Variants in CPEB1 observed in about 807,000 individuals in gnomAD.
CPEB1 encodes the protein cytoplasmic polyadenylation element binding protein 1.
Under a neutral mutation model 65.8 loss-of-function variants are expected in CPEB1, and 7 were observed. The observed-to-expected ratio is 0.11, with a 90% confidence interval of 0.06 to 0.20. The LOEUF is 0.20. Ranked by LOEUF, CPEB1 falls within the 10% of genes least tolerant of loss-of-function variation. CPEB1 has a pLI of 1.00. For missense variants in CPEB1, 551 were observed against 712.2 expected, an observed-to-expected ratio of 0.77 and a Z score of 2.58; for synonymous variants, 262 against 260.0, an observed-to-expected ratio of 1.01 and a Z score of -0.08.
chr15:82,601,353 C>A (rs2043107284), intron 3 of CPEB1, among the ~76,000 whole-genome samples: 2 of 151,770 alleles, frequency 1.3e-5, no homozygotes, highest in Admixed American at 1.3e-4. Flanking sequence ...CCAGCCAGGC[C>A]AACATGACTA....
chr15:82,570,552 T>C (rs1242424481), intron 4 of CPEB1, among the ~76,000 whole-genome samples: 1 of 152,148 alleles, frequency 6.6e-6, no homozygotes, highest in Non-Finnish European at 1.5e-5. Flanking sequence ...CCCTCCTCCT[T>C]GTACCACAAG....
chr15:82,645,735 G>C (rs1281784455), intron 1 of CPEB1, among the ~76,000 whole-genome samples: 6 of 151,982 alleles, frequency 3.9e-5, no homozygotes, highest in African/African-American at 7.2e-5. Flanking sequence ...GCGCGTGGTG[G>C]CACGAGCTTG....
intron 3 of CPEB1, among the ~76,000 whole-genome samples, chr15:82,614,869 GTGTGTGTGTGTA>G (rs749481388): frequency 0.022 from 2,669 of 122,476 alleles, 30 homozygotes; most frequent in Non-Finnish European, 0.031. Flanking sequence ...GTGTGTGTGT[GTGTGTGTGTGTA>G]TATATATATA....
chr15:82,640,148 G>A (rs2046990071), intron 1 of CPEB1, among the ~76,000 whole-genome samples: 1 of 152,058 alleles, frequency 6.6e-6, no homozygotes, highest in Non-Finnish European at 1.5e-5. Flanking sequence ...GACATAACAG[G>A]CGTTTGTTGT....
chr15:82,563,935 T>C (rs1270916261), intron 4 of CPEB1, among the ~76,000 whole-genome samples: 2 of 152,102 alleles, frequency 1.3e-5, no homozygotes, highest in Non-Finnish European at 2.9e-5. Flanking sequence ...GCACAAGTAA[T>C]AGGAACTAGG....
intron 3 of CPEB1, among the ~76,000 whole-genome samples, chr15:82,582,736 T>TC (rs2041402799): frequency 1.5e-5 from 2 of 135,670 alleles, no homozygotes; most frequent in Admixed American, 7.8e-5. Context: ...TACTAGGAGT[T>TC]CTTTTTTTTT....
intron 3 of CPEB1, among the ~76,000 whole-genome samples, chr15:82,574,704 C>A (rs1289914863): frequency 9.3e-6 from 1 of 107,090 alleles, no homozygotes; most frequent in Non-Finnish European, 1.7e-5. Context: ...GCCTGGGCAA[C>A]AGAGCTAGAC....
At chr15:82,620,379 C>T (rs1198282581) in intron 3 of CPEB1, among the ~76,000 whole-genome samples, 1 of 149,956 alleles carries the variant, frequency 6.7e-6, no homozygotes, top group East Asian at 2.0e-4. Flanking sequence ...GAGCCAAGAT[C>T]ACACCACTGC....
At chr15:82,561,830 A>G (rs2038265163) in intron 4 of CPEB1, among the ~76,000 whole-genome samples, 1 of 152,182 alleles carries the variant, frequency 6.6e-6, no homozygotes, top group South Asian at 2.1e-4. Context: ...AATAAACCTA[A>G]GTAGAAAATG....
intron 4 of CPEB1, among the ~76,000 whole-genome samples, chr15:82,558,391 T>C (rs188229557): frequency 5.6e-4 from 85 of 152,346 alleles, no homozygotes; most frequent in African/African-American, 1.9e-3. Context: ...ATTTGTTTAT[T>C]AGAAGAATTC....
intron 3 of CPEB1, among the ~76,000 whole-genome samples, chr15:82,600,460 A>C (rs2043006539): frequency 6.6e-6 from 1 of 152,212 alleles, no homozygotes. Flanking sequence ...AGAGAAAAAA[A>C]AAACAATGAA....
intron 3 of CPEB1, among the ~76,000 whole-genome samples, chr15:82,604,848 A>G (rs1436206758): frequency 6.6e-6 from 1 of 152,186 alleles, no homozygotes; most frequent in Non-Finnish European, 1.5e-5. Flanking sequence ...ATGTGAAGAA[A>G]TAATGGCAGA....
At chr15:82,605,767 A>C (rs572343819) in intron 3 of CPEB1, among the ~76,000 whole-genome samples, 2 of 152,332 alleles carry the variant, frequency 1.3e-5, no homozygotes, top group South Asian at 4.1e-4. Flanking sequence ...GGCCGGGCAC[A>C]GTGGCTCATG....
At chr15:82,567,381 G>C (rs1174787523) in intron 4 of CPEB1, among the ~76,000 whole-genome samples, 1 of 151,958 alleles carries the variant, frequency 6.6e-6, no homozygotes, top group East Asian at 1.9e-4. Flanking sequence ...GCTCACATCT[G>C]TAATCCCAGC....
At chr15:82,605,059 C>A (rs543682651) in intron 3 of CPEB1, among the ~76,000 whole-genome samples, 6 of 152,056 alleles carry the variant, frequency 3.9e-5, no homozygotes, top group Non-Finnish European at 7.4e-5. Context: ...GATTTCTTAC[C>A]AGAAATTGTG....
intron 1 of CPEB1, chr15:82,629,312 G>A (rs1160379732): frequency 1.0e-6 from 1 of 984,900 alleles, no homozygotes; most frequent in African/African-American, 1.7e-5. Flanking sequence ...GAATACAAGA[G>A]AGGTAAGTAC....
At position 82,587,136 on chromosome 15, in the gene CPEB1, A is replaced by G. The variant is rs138043684; in HGVS notation, c.272-15604T>C. Among the ~76,000 whole-genome samples, 661 of 152,350 alleles carry G rather than the reference A, an allele frequency of 4.3e-3. 5 individuals are homozygous for G. Among genetic ancestry groups the G allele is most frequent in the African/African-American group, 0.015 (630 of 41,582 alleles). ...AATTAAAATGAGAATTCTGCTTACC[A>G]AAACTGAAAAATTACAGTTACAATA... is the stretch of plus-strand genomic sequence containing the variant. On this transcript the variant is annotated intron_variant, in intron 3 of 12. Transcript: ENST00000684509.
At chr15:82,633,858 A>G (rs1265066608) in intron 1 of CPEB1, among the ~76,000 whole-genome samples, 5 of 152,316 alleles carry the variant, frequency 3.3e-5, no homozygotes, top group Non-Finnish European at 7.4e-5. Flanking sequence ...CTCCTCCTTA[A>G]AAGTGGGAAT....
intron 4 of CPEB1, among the ~76,000 whole-genome samples, chr15:82,568,304 A>T (rs1254355299): frequency 6.6e-6 from 1 of 152,164 alleles, no homozygotes; most frequent in Non-Finnish European, 1.5e-5. Context: ...TACTGAGGAC[A>T]GTTTCCACAG....
Sources: gnomAD v4.1 joint callset for allele counts (sites outside exome capture counted in the v4.1 genomes callset) on GRCh38, gnomAD v4.1.1 for gene constraint, MANE v1.5 for transcripts, NCBI Gene and HGNC (gene_info 2026-07-23, HGNC 2026-07-21) for gene names.